Variants in C1QTNF5 observed in about 807,000 individuals in gnomAD.
C1QTNF5 encodes C1q and TNF related 5.
Under a neutral mutation model 10.9 loss-of-function variants are expected in C1QTNF5, and 5 were observed. The observed-to-expected ratio is 0.46, with a 90% confidence interval of 0.24 to 0.97. The LOEUF is 0.97. Ranked by LOEUF, C1QTNF5 falls within the 50% of genes least tolerant of loss-of-function variation. The pLI is 0.19. For missense variants in C1QTNF5, 281 were observed against 339.4 expected (o/e 0.83, Z 1.35); for synonymous variants, 161 against 156.5 (o/e 1.03, Z -0.22).
upstream of C1QTNF5, chr11:119,342,042 G>T: frequency 6.2e-7 from 1 of 1,607,834 alleles, no homozygotes. Flanking sequence ...TGTGGCCTGT[G>T]GCAAGTCACC....
In C1QTNF5 at chr11:119,340,456, G is replaced by T; in HGVS notation, c.-43-16C>A. On this transcript the variant is annotated splice_polypyrimidine_tract_variant and intron_variant, in intron 1 of 2. Coordinates refer to ENST00000528368, the MANE Select transcript of C1QTNF5 (RefSeq NM_001278431.2). ...CTCTCGCAGTCTGTGGACCAGGCAG[G>T]ACTGGAGTCGGGACCCAGAATCCTG... The T allele has an allele frequency of 6.6e-7, 1 of 1,506,948 alleles. No individual in the cohort carries two copies. Among genetic ancestry groups the T allele is most frequent in the African/African-American group, 1.4e-5 (1 of 71,778 alleles). 93.3% of individuals were successfully genotyped at this position (1,506,948 alleles called of 1,614,324 possible).
Position 119,340,239 on chromosome 11 carries a change from G to GTCGCGGCCA in C1QTNF5, c.150_158dup (p.Arg55_Gly57dup), listed in dbSNP as rs1182648683. The GTCGCGGCCA allele has an allele frequency of 2.6e-6, 4 of 1,514,004 alleles. No individual in the cohort carries two copies. Among genetic ancestry groups the GTCGCGGCCA allele is most frequent in the East Asian group, 2.7e-5 (1 of 36,824 alleles). 93.8% of individuals were successfully genotyped at this position (1,514,004 alleles called of 1,614,324 possible). On this transcript the variant is annotated inframe_insertion, in exon 2 of 3. Coordinates refer to ENST00000528368, the MANE Select transcript of C1QTNF5 (RefSeq NM_001278431.2). ...GAGCCCCGGGCGCGCCGTCGCGGCC[G>GTCGCGGCCA]TCGCGGCCATCGCGGCCCGGCAAGC...
chr11:119,345,902 C>T (rs779303593), upstream of C1QTNF5: 1 of 1,613,598 alleles, frequency 6.2e-7, no homozygotes, highest in South Asian at 1.1e-5. Context: ...CTATGGGACG[C>T]CCCAGATGGG....
upstream of C1QTNF5, chr11:119,343,030 G>T: frequency 1.9e-6 from 3 of 1,581,802 alleles, no homozygotes; most frequent in Non-Finnish European, 1.7e-6. Context: ...GCTGTTCTGG[G>T]CACCAGCCCT....
rs1191381968 is a variant in C1QTNF5 at position 119,340,301 on chromosome 11, CG to C, written c.96del (p.Gly33AlafsTer98). The C allele has an allele frequency of 6.5e-7, 1 of 1,535,112 alleles. No homozygotes were observed. The highest frequency in any genetic ancestry group is 8.8e-7 in the Non-Finnish European group (1 of 1,142,204). On this transcript the variant is annotated frameshift_variant, in exon 2 of 3. Coordinates refer to ENST00000528368, the MANE Select transcript of C1QTNF5 (RefSeq NM_001278431.2). LOFTEE classifies it high-confidence loss of function. ...TGGTGGCCCGGCGTGCCTGGAAGGCCGGGGTGCCCCGGGCAGAGGCTGGGGA... is the reference window on the plus strand; with the variant it reads ...TGGTGGCCCGGCGTGCCTGGAAGGCCGGGTGCCCCGGGCAGAGGCTGGGGA... The part of the protein sequence containing the change: ...NKIPSLCPGH[P>X]GLPGTPGHHG...
chr11:119,344,764 G>A (rs1442551605), upstream of C1QTNF5: 1 of 1,613,970 alleles, frequency 6.2e-7, no homozygotes, highest in South Asian at 1.1e-5. Flanking sequence ...CTCCCTGGAT[G>A]TGGGCACCAG....
At chr11:119,343,713 A>C, upstream of C1QTNF5, 1 of 1,467,682 alleles carries the variant, frequency 6.8e-7, no homozygotes. Flanking sequence ...GAGTAGCAGA[A>C]GAAAATGAAG....
chr11:119,340,084 G>T, intron 2 of C1QTNF5, 100 bp downstream of exon 2: 2 of 1,369,512 alleles, frequency 1.5e-6, no homozygotes, highest in South Asian at 1.6e-5. Context: ...GGGGAGTGGC[G>T]CCCCCTGGCG....
upstream of C1QTNF5, chr11:119,344,519 CTG>C: frequency 6.3e-7 from 1 of 1,591,980 alleles, no homozygotes; most frequent in Non-Finnish European, 8.6e-7. Context: ...CAAAGAATGA[CTG>C]AGCAGGAAAT....
At chr11:119,342,999 A>G (rs1287406812), upstream of C1QTNF5, 2 of 1,603,210 alleles carry the variant, frequency 1.2e-6, no homozygotes, top group Admixed American at 1.7e-5. Context: ...TCTGCTCCAC[A>G]GAACCTGCCC....
upstream of C1QTNF5, chr11:119,343,967 G>C (rs2135370756): frequency 1.2e-6 from 2 of 1,612,076 alleles, no homozygotes; most frequent in South Asian, 2.2e-5. Context: ...GTGCAGAGCT[G>C]GGGGAGGGCA....
At chr11:119,342,646 C>T (rs2135368998), upstream of C1QTNF5, 2 of 1,613,676 alleles carry the variant, frequency 1.2e-6, no homozygotes, top group Non-Finnish European at 1.7e-6. Flanking sequence ...GCCATCGGTG[C>T]AGTCTCTCCA....
Position 119,340,257 on chromosome 11 carries a change from C to T in C1QTNF5, c.141G>A (p.Pro47=). The T allele has an allele frequency of 6.6e-7, 1 of 1,516,884 alleles. No homozygotes were observed. The highest frequency in any genetic ancestry group is 8.8e-7 in the Non-Finnish European group (1 of 1,135,320). 94.0% of individuals were successfully genotyped at this position (1,516,884 alleles called of 1,614,324 possible). A position where few individuals can be genotyped will look rare whatever the true frequency, so the allele number is the denominator to read the frequency against. Residue 47 remains proline (P), a synonymous_variant, in exon 2 of 3, where the codon CCG becomes CCA. Transcript: ENST00000528368. Reference sequence around the variant, plus strand: ...CGCGGCCGTCGCGGCCATCGCGGCCCGGCAAGCCCTGGCTGCCATGGTGGC... The same window carrying T: ...CGCGGCCGTCGCGGCCATCGCGGCCTGGCAAGCCCTGGCTGCCATGGTGGC... ...TPGHHGSQGL[P]GRDGRDGRDG... is the part of the protein sequence containing the mutation.
chr11:119,345,944 T>C, the C1QTNF5 span: 2 of 1,613,538 alleles, frequency 1.2e-6, no homozygotes, highest in African/African-American at 1.3e-5. Context: ...GGCGAGAAGA[T>C]GGAGGGTGGC....
upstream of C1QTNF5, chr11:119,345,724 C>A: frequency 6.2e-7 from 1 of 1,613,044 alleles, no homozygotes; most frequent in Non-Finnish European, 8.5e-7. Context: ...CTCAACCCCA[C>A]CCCGTCATCT....
At chr11:119,341,803 G>A (rs1489948159), upstream of C1QTNF5, 1 of 1,613,366 alleles carries the variant, frequency 6.2e-7, no homozygotes, top group Non-Finnish European at 8.5e-7. Flanking sequence ...TCAGGCACCT[G>A]CTCCCAGGCT....
chr11:119,345,909 T>TG, upstream of C1QTNF5: 1 of 1,613,520 alleles, frequency 6.2e-7, no homozygotes, highest in Non-Finnish European at 8.5e-7. Context: ...ACGCCCCAGA[T>TG]GGGGGTGCAG....
upstream of C1QTNF5, chr11:119,345,339 T>C (rs1310726850): frequency 1.9e-5 from 27 of 1,438,582 alleles, no homozygotes; most frequent in African/African-American, 2.5e-4. Context: ...CGGTTAGCCC[T>C]TCTCCCTGCC....
At position 119,339,229 on chromosome 11, in the gene C1QTNF5, A is replaced by G; in HGVS notation, c.*102T>C. The G allele has an allele frequency of 7.5e-7, 1 of 1,333,164 alleles. No individual in the cohort carries two copies. Among genetic ancestry groups the G allele is most frequent in the Non-Finnish European group, 1.0e-6 (1 of 965,272 alleles). 82.6% of individuals were successfully genotyped at this position (1,333,164 alleles called of 1,614,324 possible). On this transcript the variant is annotated 3_prime_UTR_variant, in exon 3 of 3. Coordinates refer to ENST00000528368, the MANE Select transcript of C1QTNF5 (RefSeq NM_001278431.2). The surrounding 1 kb of genome is among the most constrained non-coding windows in gnomAD (Gnocchi z 5.4). ...AGTGCTCTACCCCACCTCCCTAGTC[A>G]TTCACAATATTCCAGGGGGGCCAGC...
Sources: gnomAD v4.1 joint callset for allele counts on GRCh38, gnomAD v4.1.1 for gene constraint, Gnocchi (gnomAD v3.1) non-coding constraint, MANE v1.5 for transcripts, NCBI Gene and HGNC (gene_info 2026-07-23, HGNC 2026-07-21) for gene names.